PTPRK: variants seen among roughly 807,000 people sequenced by gnomAD.
PTPRK encodes the protein receptor-type tyrosine-protein phosphatase kappa.
A neutral mutation model predicts 178.0 loss-of-function variants in PTPRK; 75 were observed. The observed-to-expected ratio is 0.42, with a 90% confidence interval of 0.35 to 0.51. The LOEUF is 0.51. PTPRK is among the 20% of genes least tolerant of loss of function. The pLI is 0.02. For missense variants in PTPRK, 1,441 were observed against 1,797.8 expected, an observed-to-expected ratio of 0.80 and a Z score of 3.59; for synonymous variants, 637 against 620.6, an observed-to-expected ratio of 1.03 and a Z score of -0.39.
At chr6:128,350,405 A>T (rs1298216205) in intron 2 of PTPRK, among the ~76,000 whole-genome samples, 2 of 152,158 alleles carry the variant, frequency 1.3e-5, no homozygotes, top group Admixed American at 1.3e-4. Flanking sequence ...AGAACAGGAG[A>T]CTTATCAACA....
At chr6:128,379,077 C>T (rs12209672) in intron 2 of PTPRK, among the ~76,000 whole-genome samples, 5,936 of 152,142 alleles carry the variant, frequency 0.039, 152 homozygotes, top group Middle Eastern at 0.071. Context: ...GCCTCATCTT[C>T]CTGATATCTT....
intron 6 of PTPRK, among the ~76,000 whole-genome samples, chr6:128,212,902 A>G (rs1808478058): frequency 6.6e-6 from 1 of 152,096 alleles, no homozygotes; most frequent in South Asian, 2.1e-4. Context: ...CTTATGGAGT[A>G]GCTATAAGGA....
At chr6:128,439,352 A>G (rs7741253) in intron 1 of PTPRK, among the ~76,000 whole-genome samples, 7,638 of 152,278 alleles carry the variant, frequency 0.05, 529 homozygotes, top group African/African-American at 0.16. Flanking sequence ...TACCCAGTCA[A>G]GAACAGAGTC....
At chr6:128,472,319 C>T (rs1311518414) in intron 1 of PTPRK, among the ~76,000 whole-genome samples, 1 of 151,828 alleles carries the variant, frequency 6.6e-6, no homozygotes, top group Non-Finnish European at 1.5e-5. Context: ...TGCACCCGAG[C>T]TACATGCGGC....
At position 128,520,562 on chromosome 6, in the gene PTPRK, G is replaced by A. The variant is rs1858907713; in HGVS notation, c.-204C>T. 3.5e-6 allele frequency: 2 copies of A among 570,670 alleles called. No individual in the cohort carries two copies. The highest frequency in any genetic ancestry group is 5.8e-5 in the East Asian group (2 of 34,580). 35.4% of individuals were successfully genotyped at this position (570,670 alleles called of 1,614,324 possible). ...CCAGCGTCGCCGGCCGGCCGCGGCG[G>A]CAGCTCTCCATGCTCGGCGGAGGCT... On this transcript the variant is annotated 5_prime_UTR_variant, in exon 1 of 30. Coordinates refer to ENST00000368226, the MANE Select transcript of PTPRK (RefSeq NM_002844.4).
intron 2 of PTPRK, among the ~76,000 whole-genome samples, chr6:128,371,044 C>A (rs1836203814): frequency 6.6e-6 from 1 of 152,114 alleles, no homozygotes; most frequent in Non-Finnish European, 1.5e-5. Context: ...CAATTACAAT[C>A]AGACAACTCA....
chr6:128,174,191 A>G (rs1490962611), intron 7 of PTPRK, among the ~76,000 whole-genome samples: 3 of 152,018 alleles, frequency 2.0e-5, no homozygotes, highest in Non-Finnish European at 4.4e-5. Flanking sequence ...AATATTTACT[A>G]TGGTCTTCTT....
chr6:128,124,621 C>T (rs928153931), intron 7 of PTPRK, among the ~76,000 whole-genome samples: 3 of 152,140 alleles, frequency 2.0e-5, no homozygotes, highest in Non-Finnish European at 2.9e-5. Context: ...CAGGCAACCA[C>T]TGATCCCTTT....
At chr6:128,238,101 A>C (rs1230566687) in intron 5 of PTPRK, 1 of 447,396 alleles carries the variant, frequency 2.2e-6, no homozygotes, top group African/African-American at 2.0e-5. Context: ...AATTAAGGTG[A>C]ATATGCACAC....
At chr6:128,517,812 A>AT (rs1032835010) in intron 1 of PTPRK, among the ~76,000 whole-genome samples, 8 of 152,222 alleles carry the variant, frequency 5.3e-5, no homozygotes, top group African/African-American at 1.9e-4. Flanking sequence ...TACTTCAGAT[A>AT]TTTTTAAATT....
intron 13 of PTPRK, among the ~76,000 whole-genome samples, chr6:128,013,164 C>G (rs1033070556): frequency 8.6e-5 from 13 of 151,364 alleles, no homozygotes; most frequent in African/African-American, 3.1e-4. Context: ...CCTGGGACTT[C>G]CATGAACTTG....
Position 128,268,241 on chromosome 6 carries a change from G to A in PTPRK, c.496-25639C>T, listed in dbSNP as rs912093678. Among the ~76,000 whole-genome samples the A allele has an allele frequency of 4.6e-5, 7 of 152,072 alleles. No homozygotes were observed. The South Asian group carries it at 1.5e-3, about 32-fold the overall frequency. On this transcript the variant is annotated intron_variant, in intron 3 of 29. Coordinates refer to ENST00000368226, the MANE Select transcript of PTPRK (RefSeq NM_002844.4). ...CTTATAATCTTTGCTGCTTCCCAGA[G>A]AAACACATTTTGCTTCATGATACAA...
intron 1 of PTPRK, among the ~76,000 whole-genome samples, chr6:128,434,432 G>C (rs1426589227): frequency 6.6e-6 from 1 of 152,020 alleles, no homozygotes; most frequent in East Asian, 1.9e-4. Flanking sequence ...ACAACACCCG[G>C]GGCAATTGAA....
At chr6:128,030,580 T>C (rs945469669) in intron 13 of PTPRK, among the ~76,000 whole-genome samples, 1 of 152,208 alleles carries the variant, frequency 6.6e-6, no homozygotes, top group Admixed American at 6.5e-5. Flanking sequence ...TGAAATTGCA[T>C]TCTTGGATTA....
chr6:128,333,544 T>TA (rs11408559), intron 2 of PTPRK, among the ~76,000 whole-genome samples: 128,074 of 151,624 alleles, frequency 0.84, 55,473 homozygotes, highest in East Asian at 1. Context: ...AGTTTATTGC[T>TA]AAAAAAAATG....
chr6:128,277,522 T>G (rs1338476686), intron 3 of PTPRK, among the ~76,000 whole-genome samples: 1 of 152,124 alleles, frequency 6.6e-6, no homozygotes, highest in African/African-American at 2.4e-5. Context: ...TGACCTGTTC[T>G]CCCAAAACAA....
intron 2 of PTPRK, among the ~76,000 whole-genome samples, chr6:128,371,833 G>A (rs1836337859): frequency 6.6e-6 from 1 of 151,394 alleles, no homozygotes; most frequent in African/African-American, 2.4e-5. Flanking sequence ...CCGAGATCGT[G>A]CCACTGCACC....
At chr6:128,496,424 T>C (rs9491969) in intron 1 of PTPRK, among the ~76,000 whole-genome samples, 1,588 of 152,334 alleles carry the variant, frequency 0.01, 33 homozygotes, top group African/African-American at 0.037. Flanking sequence ...ATTTGTCATA[T>C]ACTTTGTAAC....
intron 1 of PTPRK, among the ~76,000 whole-genome samples, chr6:128,517,270 T>TA (rs1372315331): frequency 1.3e-5 from 2 of 152,098 alleles, no homozygotes; most frequent in African/African-American, 4.8e-5. Context: ...CATTTAATCA[T>TA]AAAAAACATG....
Sources: gnomAD v4.1 joint callset for allele counts (sites outside exome capture counted in the v4.1 genomes callset) on GRCh38, gnomAD v4.1.1 for gene constraint, MANE v1.5 for transcripts, NCBI Gene and HGNC (gene_info 2026-07-23, HGNC 2026-07-21) for gene names.